Variants in MSRA observed in about 807,000 individuals in gnomAD.
MSRA encodes mitochondrial peptide methionine sulfoxide reductase.
A neutral mutation model predicts 31.3 loss-of-function variants in MSRA; 54 were observed. That is an observed-to-expected ratio of 1.73 (90% CI 1.39 to 2.17). The LOEUF (loss-of-function observed/expected upper bound fraction) is 2.17, where lower values mean the gene tolerates loss of function less well. Among genes scored for constraint, MSRA ranks in the 30% most tolerant of loss-of-function variants. The probability of loss-of-function intolerance (pLI) is 0.00; values close to 1 mark genes in which losing one functional copy is unlikely to be tolerated. For missense variants in MSRA, 507 were observed against 300.9 expected, an observed-to-expected ratio of 1.69 and a Z score of -5.07; for synonymous variants, 169 against 116.5, an observed-to-expected ratio of 1.45 and a Z score of -2.90.
At chr8:10,400,152 C>T (rs1014208059) in intron 5 of MSRA, among the ~76,000 whole-genome samples, 9 of 151,794 alleles carry the variant, frequency 5.9e-5, no homozygotes, top group Non-Finnish European at 1.2e-4. Flanking sequence ...GCTGCAGAGA[C>T]AAAGTCAGAC....
intron 1 of MSRA, among the ~76,000 whole-genome samples, chr8:10,170,851 A>G (rs561659459): frequency 2.0e-4 from 31 of 152,336 alleles, no homozygotes; most frequent in East Asian, 1.9e-4. Context: ...TGGCTAAGAC[A>G]TAGATGATCA....
chr8:10,092,747 C>G (rs1000734324), intron 1 of MSRA, among the ~76,000 whole-genome samples: 3 of 152,012 alleles, frequency 2.0e-5, no homozygotes, highest in Non-Finnish European at 2.9e-5. Flanking sequence ...CCTTGCTGAT[C>G]TTTTGTCTAG....
At chr8:10,238,479 G>T (rs1812137717) in intron 2 of MSRA, among the ~76,000 whole-genome samples, 1 of 152,048 alleles carries the variant, frequency 6.6e-6, no homozygotes, top group Admixed American at 6.5e-5. Flanking sequence ...TTTATCCTGG[G>T]TGCTTAGAGC....
chr8:10,213,611 T>A (rs904041242), intron 2 of MSRA, among the ~76,000 whole-genome samples: 1 of 151,912 alleles, frequency 6.6e-6, no homozygotes, highest in African/African-American at 2.4e-5. Flanking sequence ...TAATTTTCTG[T>A]CTTTTTAGTA....
chr8:10,298,379 C>T lies in MSRA; in HGVS notation c.332-3155C>T, dbSNP rs1056138925. ...GTTAAGTAAGACAGTCACAAAAAGA[C>T]AAATAGTGGATTCCACTTATAGGAA... On this transcript the variant is annotated intron_variant, in intron 3 of 5. Coordinates refer to ENST00000317173, the MANE Select transcript of MSRA (RefSeq NM_012331.5). 3.3e-5 allele frequency among the ~76,000 whole-genome samples: 5 copies of T among 151,980 alleles called. No homozygotes were observed. The East Asian group carries it at 7.7e-4, about 23-fold the overall frequency.
intron 3 of MSRA, among the ~76,000 whole-genome samples, chr8:10,254,770 A>C (rs935137019): frequency 2.0e-5 from 3 of 152,234 alleles, no homozygotes; most frequent in Non-Finnish European, 4.4e-5. Context: ...CAGCAAATGC[A>C]TTTTCACATG....
chr8:10,132,855 T>C (rs1341601689), intron 1 of MSRA, among the ~76,000 whole-genome samples: 1 of 152,226 alleles, frequency 6.6e-6, no homozygotes, highest in Admixed American at 6.5e-5. Context: ...AAGGTATGTC[T>C]TTTGACTTGT....
At chr8:10,206,166 G>C (rs911179884) in intron 1 of MSRA, among the ~76,000 whole-genome samples, 2 of 152,148 alleles carry the variant, frequency 1.3e-5, no homozygotes, top group African/African-American at 4.8e-5. Flanking sequence ...GGGCTGTGAG[G>C]CAAGAACGAA....
At chr8:10,277,932 A>G (rs2129105181) in intron 3 of MSRA, among the ~76,000 whole-genome samples, 1 of 152,356 alleles carries the variant, frequency 6.6e-6, no homozygotes, top group Admixed American at 6.5e-5. Flanking sequence ...TACATAGGCA[A>G]TAAAAATACC....
chr8:10,354,882 G>C (rs1429168036), intron 5 of MSRA, among the ~76,000 whole-genome samples: 1 of 151,794 alleles, frequency 6.6e-6, no homozygotes, highest in Non-Finnish European at 1.5e-5. Flanking sequence ...TGACATTTGG[G>C]TTGCTTCCAA....
chr8:10,424,737 C>T (rs1386535968), intron 5 of MSRA, among the ~76,000 whole-genome samples: 1 of 152,190 alleles, frequency 6.6e-6, no homozygotes, highest in African/African-American at 2.4e-5. Context: ...GGAGAGGCCC[C>T]CTCCTGGGTT....
intron 1 of MSRA, among the ~76,000 whole-genome samples, chr8:10,060,638 G>GT (rs201224802): frequency 0.15 from 21,249 of 142,776 alleles, 1,541 homozygotes; most frequent in East Asian, 0.25. Flanking sequence ...CTTACTTGAA[G>GT]TTTTTTTTTT....
intron 4 of MSRA, among the ~76,000 whole-genome samples, chr8:10,318,193 C>T (rs977922139): frequency 2.0e-5 from 3 of 152,174 alleles, no homozygotes; most frequent in African/African-American, 7.2e-5. Context: ...AAGTTTAAAT[C>T]GCAGGATGGC....
chr8:10,370,285 C>T (rs1163360790), intron 5 of MSRA, among the ~76,000 whole-genome samples: 1 of 152,166 alleles, frequency 6.6e-6, no homozygotes, highest in Non-Finnish European at 1.5e-5. Context: ...TAGATTCCTT[C>T]CTTAGCCTCT....
intron 5 of MSRA, among the ~76,000 whole-genome samples, chr8:10,320,725 G>A (rs1227336167): frequency 2.0e-5 from 3 of 152,128 alleles, no homozygotes; most frequent in Non-Finnish European, 4.4e-5. Flanking sequence ...CAAGGTGTCG[G>A]CAGGGCTGGT....
At chr8:10,091,892 C>G (rs1425084979) in intron 1 of MSRA, among the ~76,000 whole-genome samples, 1 of 152,126 alleles carries the variant, frequency 6.6e-6, no homozygotes, top group Non-Finnish European at 1.5e-5. Context: ...CAGGTTTGAG[C>G]CACTGTGTCC....
At position 10,132,752 on chromosome 8, in the gene MSRA, G is replaced by T. The variant is rs28665773; in HGVS notation, c.143-75081G>T. 1.5e-3 allele frequency among the ~76,000 whole-genome samples: 236 copies of T among 152,356 alleles called. 3 individuals carry two copies. The highest frequency in any genetic ancestry group is 5.3e-3 in the African/African-American group (219 of 41,582). Reference sequence around the variant, plus strand: ...AATTGCTGTTTATCAAATGAGCCTTGTGTGCCAGGGACTGTGATAGGATCA... The same window carrying T: ...AATTGCTGTTTATCAAATGAGCCTTTTGTGCCAGGGACTGTGATAGGATCA... On this transcript the variant is annotated intron_variant, in intron 1 of 5. Transcript: ENST00000317173.
chr8:10,091,271 T>C (rs778514518), intron 1 of MSRA, among the ~76,000 whole-genome samples: 3 of 152,244 alleles, frequency 2.0e-5, no homozygotes, highest in African/African-American at 7.2e-5. Context: ...TATTCACATT[T>C]AAAAAGTGAC....
At chr8:10,305,055 A>G (rs974260349) in intron 4 of MSRA, among the ~76,000 whole-genome samples, 3 of 152,248 alleles carry the variant, frequency 2.0e-5, no homozygotes, top group Non-Finnish European at 2.9e-5. Flanking sequence ...ATGTGACTCA[A>G]GAGAAATGTA....
Sources: gnomAD v4.1 joint callset for allele counts (sites outside exome capture counted in the v4.1 genomes callset) on GRCh38, gnomAD v4.1.1 for gene constraint, MANE v1.5 for transcripts, NCBI Gene and HGNC (gene_info 2026-07-23, HGNC 2026-07-21) for gene names.